The following TTBK2 variants were observed in gnomAD, a reference collection of about 807,000 sequenced individuals.
The protein encoded by TTBK2 is tau tubulin kinase 2.
Under a neutral mutation model 110.8 loss-of-function variants are expected in TTBK2, and 28 were observed. The observed-to-expected ratio is 0.25, with a 90% CI of 0.19 to 0.35. TTBK2 has a LOEUF of 0.35. Ranked by LOEUF, TTBK2 falls within the 10% of genes least tolerant of loss-of-function variation. The probability of loss-of-function intolerance (pLI) is 1.00; values close to 1 mark genes in which losing one functional copy is unlikely to be tolerated. For synonymous variants in TTBK2, 532 were observed against 527.3 expected (o/e 1.01, Z -0.12); for missense variants, 1,369 against 1,500.3 (o/e 0.91, Z 1.45).
At chr15:42,838,380 A>G (rs62020677) in intron 4 of TTBK2, among the ~76,000 whole-genome samples, 2,002 of 147,112 alleles carry the variant, frequency 0.014, 14 homozygotes, top group Admixed American at 0.025. Flanking sequence ...GTGTGTGTGT[A>G]TGTGTGTGTT....
chr15:42,823,272 T>C (rs924791819), intron 6 of TTBK2, among the ~76,000 whole-genome samples: 30 of 152,126 alleles, frequency 2.0e-4, no homozygotes, highest in Non-Finnish European at 4.4e-5. Context: ...AAAAGCAGGA[T>C]ACATACAAAA....
At chr15:42,860,100 A>T (rs1159221906) in intron 3 of TTBK2, among the ~76,000 whole-genome samples, 1 of 152,160 alleles carries the variant, frequency 6.6e-6, no homozygotes, top group African/African-American at 2.4e-5. Context: ...ATTAAGGAAC[A>T]ACTATAAAAG....
chr15:42,801,407 T>G, intron 9 of TTBK2: 35 of 1,155,296 alleles, frequency 3.0e-5, no homozygotes, highest in Non-Finnish European at 4.3e-5. Flanking sequence ...GCTCGGTATC[T>G]GCGTGGCAGC....
At chr15:42,750,344 C>T (rs1169018513) in intron 14 of TTBK2, among the ~76,000 whole-genome samples, 2 of 151,766 alleles carry the variant, frequency 1.3e-5, no homozygotes, top group African/African-American at 4.8e-5. Flanking sequence ...GCTTGAAAAA[C>T]TAAAGAAAGA....
chr15:42,911,441 A>G (rs571458641), intron 1 of TTBK2, among the ~76,000 whole-genome samples: 2 of 152,348 alleles, frequency 1.3e-5, no homozygotes, highest in East Asian at 3.9e-4. Context: ...GTCTCTAACA[A>G]AAGAGGTAGA....
intron 3 of TTBK2, among the ~76,000 whole-genome samples, chr15:42,852,619 T>C (rs1171455172): frequency 6.6e-6 from 1 of 152,228 alleles, no homozygotes; most frequent in Non-Finnish European, 1.5e-5. Flanking sequence ...GAAATAGACC[T>C]CTGCTCCTTA....
At chr15:42,775,760 A>C (rs1003076450) in intron 12 of TTBK2, 37 bp from the exon 13 acceptor site, 25 of 1,530,800 alleles carry the variant, frequency 1.6e-5, no homozygotes, top group Non-Finnish European at 2.2e-5. Context: ...AACTGTCCTA[A>C]GGAAACATTT....
intron 13 of TTBK2, among the ~76,000 whole-genome samples, chr15:42,770,299 C>G (rs1289960018): frequency 6.6e-6 from 1 of 152,048 alleles, no homozygotes; most frequent in East Asian, 1.9e-4. Context: ...TTCTACAACA[C>G]AAAATTTCTA....
intron 12 of TTBK2, among the ~76,000 whole-genome samples, chr15:42,776,310 T>C (rs915675036): frequency 2.0e-5 from 3 of 152,200 alleles, no homozygotes; most frequent in South Asian, 4.1e-4. Flanking sequence ...ATGACTACTA[T>C]TAAAGGAAAT....
At chr15:42,779,254 A>T (rs1890074582) in intron 11 of TTBK2, among the ~76,000 whole-genome samples, 1 of 152,114 alleles carries the variant, frequency 6.6e-6, no homozygotes, top group Non-Finnish European at 1.5e-5. Context: ...AAATACACAC[A>T]AAAAATTAGC....
At chr15:42,826,644 C>T (rs565431361) in intron 6 of TTBK2, among the ~76,000 whole-genome samples, 2 of 152,266 alleles carry the variant, frequency 1.3e-5, no homozygotes, top group Admixed American at 1.3e-4. Context: ...TGTTTCTGTA[C>T]CTCAAATTTT....
intron 6 of TTBK2, among the ~76,000 whole-genome samples, chr15:42,825,237 G>A (rs1334182906): frequency 1.3e-5 from 2 of 152,160 alleles, no homozygotes; most frequent in Non-Finnish European, 2.9e-5. Flanking sequence ...ATGAAGGCCT[G>A]TCATGGCAGC....
chr15:42,797,526 G>A (rs929290404), intron 9 of TTBK2, among the ~76,000 whole-genome samples: 2 of 152,194 alleles, frequency 1.3e-5, no homozygotes, highest in African/African-American at 4.8e-5. Flanking sequence ...GAGGTCTGCA[G>A]ATATTTTAGA....
chr15:42,774,444 G>T (rs918595225), intron 13 of TTBK2, among the ~76,000 whole-genome samples: 6 of 152,170 alleles, frequency 3.9e-5, no homozygotes, highest in African/African-American at 1.4e-4. Flanking sequence ...CAGGATAACA[G>T]GCTTCTCCAG....
At chr15:42,852,313 C>T (rs747644279) in intron 3 of TTBK2, among the ~76,000 whole-genome samples, 3 of 152,124 alleles carry the variant, frequency 2.0e-5, no homozygotes, top group Non-Finnish European at 4.4e-5. Context: ...AAGTGATCCA[C>T]CCACCTCAAC....
intron 9 of TTBK2, among the ~76,000 whole-genome samples, chr15:42,803,121 C>A (rs542576368): frequency 6.6e-5 from 10 of 152,256 alleles, no homozygotes; most frequent in South Asian, 2.1e-4. Context: ...TATCTCTATT[C>A]CATTAGTTTT....
At chr15:42,790,564 G>A (rs1378072281) in intron 10 of TTBK2, among the ~76,000 whole-genome samples, 1 of 152,130 alleles carries the variant, frequency 6.6e-6, no homozygotes, top group Non-Finnish European at 1.5e-5. Context: ...GGAATTACAG[G>A]CATGAGCCAC....
At chr15:42,806,250 C>A (rs1285916549) in intron 9 of TTBK2, among the ~76,000 whole-genome samples, 5 of 152,166 alleles carry the variant, frequency 3.3e-5, no homozygotes, top group Non-Finnish European at 7.3e-5. Flanking sequence ...GGCAACAGAG[C>A]AAGACTATGT....
At chr15:42,793,600 G>C (rs1188908890) in intron 10 of TTBK2, among the ~76,000 whole-genome samples, 1 of 151,690 alleles carries the variant, frequency 6.6e-6, no homozygotes, top group African/African-American at 2.4e-5. Context: ...TGTAATCCCA[G>C]CACTTTTGGA....
Sources: allele counts gnomAD v4.1 joint callset (sites outside exome capture counted in the v4.1 genomes callset), GRCh38; gene constraint gnomAD v4.1.1; transcripts MANE v1.5; gene names NCBI Gene and HGNC (gene_info 2026-07-23, HGNC 2026-07-21).